The following XKR9 variants were observed in gnomAD, a reference collection of about 807,000 sequenced individuals.
The protein encoded by XKR9 is XK related 9, also known as XK-related protein 9.
A neutral mutation model predicts 32.0 loss-of-function variants in XKR9; 32 were observed. The observed-to-expected ratio is 1.00, with a 90% CI of 0.76 to 1.34. The LOEUF (loss-of-function observed/expected upper bound fraction) is 1.34. Among genes scored for constraint, XKR9 ranks in the 40% most tolerant of loss-of-function variants. The probability of loss-of-function intolerance (pLI) is 0.00; values close to 1 mark genes in which losing one functional copy is unlikely to be tolerated. For missense variants in XKR9, 546 were observed against 429.7 expected, an observed-to-expected ratio of 1.27 and a Z score of -2.39; for synonymous variants, 168 against 143.4, an observed-to-expected ratio of 1.17 and a Z score of -1.22.
At chr8:70,739,038 T>C (rs926917210), downstream of XKR9, among the ~76,000 whole-genome samples, 1 of 151,146 alleles carries the variant, frequency 6.6e-6, no homozygotes, top group African/African-American at 2.4e-5. Flanking sequence ...TAACTTTCTG[T>C]CTTGTTGATC....
rs554072688 is a variant in XKR9 at position 70,701,248 on chromosome 8, C to T, written c.273-5685C>T. ...AGTGAGATGAACACGGTACCTCAGA[C>T]GGAAATGCAGAAATCACCCATCTTC... On this transcript the variant is annotated intron_variant, in intron 3 of 4. Coordinates refer to ENST00000408926, the MANE Select transcript of XKR9 (RefSeq NM_001011720.2). 3.9e-5 allele frequency among the ~76,000 whole-genome samples: 6 copies of T among 152,304 alleles called. No individual in the cohort carries two copies. The South Asian group carries it at 8.3e-4, about 21-fold the overall frequency.
intron 3 of XKR9, among the ~76,000 whole-genome samples, chr8:70,705,441 G>A (rs528497632): frequency 3.1e-4 from 47 of 152,272 alleles, no homozygotes; most frequent in African/African-American, 1.1e-3. Context: ...GATCTGGTAG[G>A]CATCTATAAG....
chr8:70,974,430 C>T, the XKR9 span, among the ~76,000 whole-genome samples: 64 of 152,202 alleles, frequency 4.2e-4, no homozygotes, highest in Non-Finnish European at 7.1e-4. Flanking sequence ...GTTTGCTGTT[C>T]CCTGCCCTGT....
At chr8:71,004,998 C>CTTTT in the XKR9 span, among the ~76,000 whole-genome samples, 9 of 48,228 alleles carry the variant, frequency 1.9e-4, no homozygotes, top group Non-Finnish European at 2.9e-4. Flanking sequence ...TTAATCTATG[C>CTTTT]TTTTTTTTTT....
At chr8:71,062,373 T>A in the XKR9 span, among the ~76,000 whole-genome samples, 1 of 152,152 alleles carries the variant, frequency 6.6e-6, no homozygotes, top group African/African-American at 2.4e-5. Context: ...GGAGCTCACT[T>A]CCTGCATGGC....
chr8:70,796,758 T>A, the XKR9 span, among the ~76,000 whole-genome samples: 2 of 152,310 alleles, frequency 1.3e-5, no homozygotes, highest in Admixed American at 1.3e-4. Context: ...AGAAAGAATG[T>A]TAGAGACACA....
At chr8:70,718,038 C>T (rs566153474) in intron 4 of XKR9, among the ~76,000 whole-genome samples, 1 of 152,264 alleles carries the variant, frequency 6.6e-6, no homozygotes, top group African/African-American at 2.4e-5. Flanking sequence ...ACCACCTCAT[C>T]CTGGACTTTA....
the XKR9 span, among the ~76,000 whole-genome samples, chr8:70,950,551 G>A: frequency 2.0e-5 from 3 of 152,170 alleles, no homozygotes; most frequent in African/African-American, 7.2e-5. Flanking sequence ...GACAGGACCA[G>A]ATCACACAGG....
At chr8:70,835,532 G>A in the XKR9 span, among the ~76,000 whole-genome samples, 2 of 152,010 alleles carry the variant, frequency 1.3e-5, no homozygotes, top group East Asian at 3.8e-4. Flanking sequence ...ATAAAAACCT[G>A]TAGGCCAGTT....
At chr8:70,960,444 C>A in the XKR9 span, among the ~76,000 whole-genome samples, 1 of 152,166 alleles carries the variant, frequency 6.6e-6, no homozygotes, top group Non-Finnish European at 1.5e-5. Context: ...TATGCATCCA[C>A]AGATAGATAG....
chr8:70,844,585 G>T, the XKR9 span, among the ~76,000 whole-genome samples: 1 of 152,304 alleles, frequency 6.6e-6, no homozygotes, highest in Non-Finnish European at 1.5e-5. Context: ...GTGCACCAGT[G>T]GGGGGCCTGG....
chr8:70,815,368 C>T, the XKR9 span, among the ~76,000 whole-genome samples: 5 of 152,044 alleles, frequency 3.3e-5, no homozygotes, highest in African/African-American at 9.7e-5. Flanking sequence ...TTCCCCTCTA[C>T]GTGTCCATGT....
the XKR9 span, among the ~76,000 whole-genome samples, chr8:70,829,286 G>A: frequency 7.0e-6 from 1 of 143,840 alleles, no homozygotes; most frequent in African/African-American, 2.6e-5. Context: ...ATATAAGTAA[G>A]TTAAAACAAT....
Position 70,730,136 on chromosome 8 carries a change from A to G in XKR9, c.494-3660A>G, listed in dbSNP as rs182583366. On this transcript the variant is annotated intron_variant, in intron 4 of 4. Coordinates refer to ENST00000408926, the MANE Select transcript of XKR9 (RefSeq NM_001011720.2). ...ACCCAATGGAGATAGCATGAGGCCA[A>G]CTGATACCTTGTCCTTCCTCCCCCT... is the stretch of plus-strand genomic sequence containing the variant. Among the ~76,000 whole-genome samples, 326 of 152,302 alleles carry G rather than the reference A, an allele frequency of 2.1e-3. 3 individuals are homozygous for G. The highest frequency in any genetic ancestry group is 6.8e-3 in the Middle Eastern group (2 of 294).
intron 3 of XKR9, among the ~76,000 whole-genome samples, chr8:70,689,443 A>AATAT (rs34348878): frequency 8.2e-5 from 12 of 146,640 alleles, no homozygotes; most frequent in African/African-American, 2.7e-4. Flanking sequence ...CCATATTGCA[A>AATAT]ATATATATAT....
At chr8:70,749,176 C>T (rs1217264800) in intron 2 of XKR9, among the ~76,000 whole-genome samples, 1 of 152,202 alleles carries the variant, frequency 6.6e-6, no homozygotes, top group Non-Finnish European at 1.5e-5. Flanking sequence ...CTGCATTGCT[C>T]ACCCTCCAGT....
the XKR9 span, among the ~76,000 whole-genome samples, chr8:71,019,083 G>A: frequency 6.6e-6 from 1 of 152,014 alleles, no homozygotes; most frequent in African/African-American, 2.4e-5. Flanking sequence ...CTAAAAATGA[G>A]AGTATATTTT....
chr8:70,706,933 G>C lies in XKR9; in HGVS notation c.273G>C (p.Arg91Ser). Reference sequence around the variant, plus strand: ...AGAAATGTTTATGTTTACTTTATAGGTATTGGTTTGCCTTAAAAAGGGGTT... The same window carrying C: ...AGAAATGTTTATGTTTACTTTATAGCTATTGGTTTGCCTTAAAAAGGGGTT... Reference protein sequence around the residue: ...LHCLQGGVFTRYWFALKRGYH... With the variant: ...LHCLQGGVFTSYWFALKRGYH... The change falls in exon 4 of 5, where the codon AGG (arginine) becomes AGC (serine). Residue 91 changes from arginine (R) to serine (S), a missense_variant and splice_region_variant. Physicochemically the swap from Arg to Ser is moderately radical, Grantham distance 110 (BLOSUM62 -1). Transcript: ENST00000408926. 17 of 1,607,436 alleles carry C rather than the reference G, an allele frequency of 1.1e-5. No homozygotes were observed. Among genetic ancestry groups the C allele is most frequent in the Non-Finnish European group, 1.4e-5 (16 of 1,175,112 alleles).
the XKR9 span, among the ~76,000 whole-genome samples, chr8:70,836,672 A>G: frequency 4.6e-5 from 7 of 152,120 alleles, no homozygotes; most frequent in South Asian, 1.2e-3. Flanking sequence ...TTTTGAACCA[A>G]TATCTTTAAG....
Sources: allele counts gnomAD v4.1 joint callset (sites outside exome capture counted in the v4.1 genomes callset), GRCh38; gene constraint gnomAD v4.1.1; transcripts MANE v1.5; gene names NCBI Gene and HGNC (gene_info 2026-07-23, HGNC 2026-07-21).